ARIH2: variants seen among roughly 807,000 people sequenced by gnomAD.
The protein encoded by ARIH2 is ariadne RBR E3 ubiquitin protein ligase 2.
In ARIH2, 12 loss-of-function variants were observed where a neutral mutation model predicts 79.8. The ratio of observed to expected loss-of-function variants is 0.15; its 90% CI spans 0.10 to 0.24. The LOEUF (loss-of-function observed/expected upper bound fraction) is 0.24. Ranked by LOEUF, ARIH2 falls within the 10% of genes least tolerant of loss-of-function variation. The pLI is 1.00. For synonymous variants in ARIH2, 224 were observed against 213.9 expected (o/e 1.05, Z -0.41); for missense variants, 301 against 618.3 (o/e 0.49, Z 5.44).
Position 48,959,649 on chromosome 3 carries a change from C to CAAAAAAAAAAAAAAAAAAA in ARIH2, c.256-1955_256-1937dup, listed in dbSNP as rs71077758. Among the ~76,000 whole-genome samples the CAAAAAAAAAAAAAAAAAAA allele has an allele frequency of 3.0e-4, 15 of 50,114 alleles. 1 individual carries two copies. Among genetic ancestry groups the CAAAAAAAAAAAAAAAAAAA allele is most frequent in the African/African-American group, 6.5e-4 (7 of 10,704 alleles). The allele number at this position is 50,114 out of a possible 152,430, so 32.9% of individuals were successfully genotyped here. ...AAACCCCGTCTCTACTAAAAAATAC[C>CAAAAAAAAAAAAAAAAAAA]AAAAAAAAAAAAAAAAAAAAAAAAA... On this transcript the variant is annotated intron_variant, in intron 3 of 15. Transcript: ENST00000356401.
At position 48,918,914 on chromosome 3, in the gene ARIH2, C is replaced by T. The variant is rs755655776; in HGVS notation, c.-246C>T. 22 of 1,600,266 alleles carry T rather than the reference C, an allele frequency of 1.4e-5. No homozygotes were observed. Among genetic ancestry groups the T allele is most frequent in the African/African-American group, 1.3e-5 (1 of 74,806 alleles). On this transcript the variant is annotated 5_prime_UTR_variant, in exon 1 of 16. Coordinates refer to ENST00000356401, the MANE Select transcript of ARIH2 (RefSeq NM_006321.4). ...GGCGTCGGCCCGCCGCCTCCGCTGC[C>T]GCTTCGCCCCAATCCGGTCCCTCTG...
chr3:48,970,357 C>T (rs2092145383), intron 7 of ARIH2, among the ~76,000 whole-genome samples: 1 of 152,260 alleles, frequency 6.6e-6, no homozygotes, highest in African/African-American at 2.4e-5. Context: ...ATGCCTGGTG[C>T]AATTCTATAT....
In ARIH2 at chr3:48,919,181, G is replaced by A. The variant is rs1576020130; in HGVS notation, c.-162+183G>A. 5 of 1,299,032 alleles carry A rather than the reference G, an allele frequency of 3.8e-6. No individual in the cohort carries two copies. The East Asian group carries it at 1.5e-4, about 38-fold the overall frequency. The allele number at this position is 1,299,032 out of a possible 1,614,324, so 80.5% of individuals were successfully genotyped here. On this transcript the variant is annotated intron_variant, in intron 1 of 15. Coordinates refer to ENST00000356401, the MANE Select transcript of ARIH2 (RefSeq NM_006321.4). ...CCGTCAGCGGCCGGGCGCCCAGCGTGTGTCTGCCTTTTTTCCTCCCGCCGC... is the reference window on the plus strand; with the variant it reads ...CCGTCAGCGGCCGGGCGCCCAGCGTATGTCTGCCTTTTTTCCTCCCGCCGC...
At chr3:48,942,252 T>C (rs1359257175) in intron 3 of ARIH2, among the ~76,000 whole-genome samples, 4 of 152,112 alleles carry the variant, frequency 2.6e-5, no homozygotes, top group Non-Finnish European at 4.4e-5. Flanking sequence ...GGTTTCACCA[T>C]GTTGGCCAGG....
chr3:48,963,306 C>T (rs1171510310), intron 4 of ARIH2, among the ~76,000 whole-genome samples: 1 of 152,068 alleles, frequency 6.6e-6, no homozygotes, highest in African/African-American at 2.4e-5. Context: ...GGATATCTCT[C>T]ACTGCCCACA....
intron 3 of ARIH2, among the ~76,000 whole-genome samples, chr3:48,935,142 A>G (rs183120035): frequency 1.3e-5 from 2 of 152,332 alleles, no homozygotes. Context: ...ATTATTGTTC[A>G]GTATTTCATT....
intron 3 of ARIH2, among the ~76,000 whole-genome samples, chr3:48,939,248 GC>G (rs1461549233): frequency 6.6e-6 from 1 of 152,078 alleles, no homozygotes; most frequent in Admixed American, 6.6e-5. Flanking sequence ...GATTACGGGG[GC>G]GCCTGGCCAA....
chr3:48,954,281 C>T (rs1345941806), intron 3 of ARIH2, among the ~76,000 whole-genome samples: 3 of 151,842 alleles, frequency 2.0e-5, no homozygotes, highest in African/African-American at 7.3e-5. Context: ...CTGTGAAACC[C>T]CCGTCTCTAC....
chr3:48,976,853 G>A (rs1250907168), intron 11 of ARIH2, among the ~76,000 whole-genome samples: 3 of 151,888 alleles, frequency 2.0e-5, no homozygotes, highest in African/African-American at 7.3e-5. Context: ...ACAGTGAGCC[G>A]AGATTGTGCC....
At chr3:48,961,935 G>A (rs2091304423) in intron 4 of ARIH2, among the ~76,000 whole-genome samples, 3 of 152,066 alleles carry the variant, frequency 2.0e-5, no homozygotes, top group South Asian at 2.1e-4. Context: ...CCAAACCTCT[G>A]TTGTTGGACA....
chr3:48,944,680 G>C (rs2088863596), intron 3 of ARIH2, among the ~76,000 whole-genome samples: 1 of 152,102 alleles, frequency 6.6e-6, no homozygotes, highest in South Asian at 2.1e-4. Context: ...GGGTGAGCCT[G>C]GTTTAGGGTC....
At chr3:48,951,749 A>G (rs139206297) in intron 3 of ARIH2, among the ~76,000 whole-genome samples, 509 of 152,256 alleles carry the variant, frequency 3.3e-3, no homozygotes, top group African/African-American at 0.012. Flanking sequence ...TTTAATGTCT[A>G]TAAGAATTGT....
chr3:48,982,477 G>C (rs1235171357), intron 14 of ARIH2, among the ~76,000 whole-genome samples: 2 of 152,174 alleles, frequency 1.3e-5, no homozygotes, highest in African/African-American at 4.8e-5. Context: ...CTTCTTAGAT[G>C]TATGATTACT....
In ARIH2 at chr3:48,983,016, G is replaced by C. The variant is rs2092805688; in HGVS notation, c.1410+37G>C. ...CTGTCCTCTTGGATTCTATATTGCA[G>C]GTAGAGGACTGGCATGGTAATAGGT... On this transcript the variant is annotated intron_variant, in intron 15 of 15. Transcript: ENST00000356401. 5 of 1,587,604 alleles carry C rather than the reference G, an allele frequency of 3.1e-6. No homozygotes were observed. In the East Asian group the frequency reaches 6.7e-5, roughly 21 times the overall value.
intron 13 of ARIH2, 55 bp from the exon 14 acceptor site, chr3:48,981,604 GA>G: frequency 7.0e-7 from 1 of 1,435,410 alleles, no homozygotes; most frequent in Non-Finnish European, 9.8e-7. Context: ...AGCCACCTGA[GA>G]TGCAGGTAGC....
chr3:48,978,474 TA>T, intron 11 of ARIH2, among the ~76,000 whole-genome samples: 1 of 70,500 alleles, frequency 1.4e-5, no homozygotes, highest in South Asian at 1.1e-3. Flanking sequence ...TGTATATATA[TA>T]TATATATATT....
At chr3:48,919,421 A>C in intron 1 of ARIH2, 7 of 337,036 alleles carry the variant, frequency 2.1e-5, no homozygotes, top group East Asian at 4.7e-5. Flanking sequence ...GTCCGCGCGA[A>C]TATCCCGGAG....
At chr3:48,960,133 GCT>G (rs1004533550) in intron 3 of ARIH2, among the ~76,000 whole-genome samples, 1 of 152,144 alleles carries the variant, frequency 6.6e-6, no homozygotes, top group East Asian at 1.9e-4. Context: ...GGTGTGTATT[GCT>G]CTCTCTGGGA....
At chr3:48,941,111 G>T (rs1315489841) in intron 3 of ARIH2, among the ~76,000 whole-genome samples, 3 of 149,866 alleles carry the variant, frequency 2.0e-5, no homozygotes, top group Non-Finnish European at 4.4e-5. Flanking sequence ...GGCAGAGCTT[G>T]CAGTGAGCAG....
Sources: gnomAD v4.1 joint callset for allele counts (sites outside exome capture counted in the v4.1 genomes callset) on GRCh38, gnomAD v4.1.1 for gene constraint, MANE v1.5 for transcripts, NCBI Gene and HGNC (gene_info 2026-07-23, HGNC 2026-07-21) for gene names.